EFHB: variants seen among roughly 807,000 people sequenced by gnomAD.
The protein encoded by EFHB is EF-hand domain-containing family member B.
EFHB carries 91 observed loss-of-function variants against 87.2 expected under a neutral mutation model. That is an observed-to-expected ratio of 1.04 (90% CI 0.88 to 1.24). The LOEUF (loss-of-function observed/expected upper bound fraction) is 1.24, where lower values mean the gene tolerates loss of function less well. Ranked by LOEUF, EFHB falls within the 50% of genes most tolerant of loss-of-function variation. EFHB has a pLI of 0.00. For synonymous variants in EFHB, 325 were observed against 333.6 expected (o/e 0.97, Z 0.28); for missense variants, 1,084 against 998.8 (o/e 1.09, Z -1.15).
At chr3:19,919,751 G>C in intron 3 of EFHB, 82 bp downstream of exon 3, 1 of 1,370,072 alleles carries the variant, frequency 7.3e-7, no homozygotes, top group Non-Finnish European at 1.0e-6. Context: ...GATTGGAACT[G>C]ATGAATTTCA....
At chr3:19,935,849 A>C (rs1420039900), upstream of EFHB, among the ~76,000 whole-genome samples, 1 of 151,954 alleles carries the variant, frequency 6.6e-6, no homozygotes, top group Non-Finnish European at 1.5e-5. Flanking sequence ...GTTTCTACTT[A>C]AAATACAAAA....
At chr3:19,936,880 TA>T (rs1696035852), upstream of EFHB, among the ~76,000 whole-genome samples, 2 of 83,396 alleles carry the variant, frequency 2.4e-5, no homozygotes, top group Non-Finnish European at 2.8e-5. Context: ...AAATAATAAA[TA>T]AATAAATAAA....
At chr3:19,911,200 GAT>G (rs1314693102) in intron 5 of EFHB, among the ~76,000 whole-genome samples, 1 of 152,090 alleles carries the variant, frequency 6.6e-6, no homozygotes, top group African/African-American at 2.4e-5. Context: ...ATAAATTTAA[GAT>G]AACACAGAGA....
chr3:19,897,116 T>C (rs141231285), intron 8 of EFHB, among the ~76,000 whole-genome samples: 1 of 152,320 alleles, frequency 6.6e-6, no homozygotes, highest in East Asian at 1.9e-4. Context: ...CACTCAACTG[T>C]CAAGTCTTTT....
intron 5 of EFHB, among the ~76,000 whole-genome samples, chr3:19,914,287 T>C (rs1184015010): frequency 6.6e-6 from 1 of 152,086 alleles, no homozygotes; most frequent in Non-Finnish European, 1.5e-5. Context: ...AGACATGAAA[T>C]TTTTCAAACG....
chr3:19,886,293 A>G (rs1282538969), intron 10 of EFHB, among the ~76,000 whole-genome samples: 1 of 152,210 alleles, frequency 6.6e-6, no homozygotes, highest in Non-Finnish European at 1.5e-5. Context: ...CATCATCAAG[A>G]GAGACCAAAA....
At chr3:19,901,400 A>G (rs1694665770) in intron 6 of EFHB, among the ~76,000 whole-genome samples, 1 of 152,356 alleles carries the variant, frequency 6.6e-6, no homozygotes, top group African/African-American at 2.4e-5. Flanking sequence ...TGCTAAGACT[A>G]AAGACAATGA....
Position 19,941,065 on chromosome 3 carries a change from C to A in EFHB, c.-31-4731G>T, listed in dbSNP as rs1272151079. 3 of 360,076 alleles carry A rather than the reference C, an allele frequency of 8.3e-6. No homozygotes were observed. In the East Asian group the frequency reaches 1.8e-4, roughly 21 times the overall value. 22.3% of individuals were successfully genotyped at this position (360,076 alleles called of 1,614,324 possible). On this transcript the variant is annotated intron_variant, in intron 1 of 14. Transcript: ENST00000344838. ...CAGAATGGCTGCTTGGACAGCTGCA[C>A]CATAAGCAACAGCTTCATTAGGGCT...
At chr3:19,929,941 C>T (rs1695773581) in intron 1 of EFHB, among the ~76,000 whole-genome samples, 2 of 152,088 alleles carry the variant, frequency 1.3e-5, no homozygotes, top group African/African-American at 4.8e-5. Context: ...TTTCAAATCC[C>T]ACCACTTTTT....
chr3:19,919,857 T>G lies in EFHB; in HGVS notation c.972A>C (p.Gly324=). ...CCAGTACTGAAATTTTAGATCTAATTCCATGTGTCAAATAAGGTGCAATCT... is the reference window on the plus strand; with the variant it reads ...CCAGTACTGAAATTTTAGATCTAATGCCATGTGTCAAATAAGGTGCAATCT... The part of the protein sequence containing the change: ...DPQIAPYLTH[G]IRSKISVLAN... Residue 324 remains glycine (G), a synonymous_variant, in exon 3 of 13, where the codon GGA becomes GGC. Coordinates refer to ENST00000295824, the MANE Select transcript of EFHB (RefSeq NM_144715.4). The G allele has an allele frequency of 6.2e-7, 1 of 1,613,332 alleles. No homozygotes were observed. The highest frequency in any genetic ancestry group is 1.1e-5 in the South Asian group (1 of 91,044).
intron 5 of EFHB, among the ~76,000 whole-genome samples, 179 bp downstream of exon 5, chr3:19,915,124 G>GT (rs1559463684): frequency 2.6e-5 from 4 of 152,042 alleles, no homozygotes; most frequent in African/African-American, 9.6e-5. Flanking sequence ...TTTAAAAACC[G>GT]TAAGTATATG....
intron 4 of EFHB, among the ~76,000 whole-genome samples, chr3:19,916,547 T>A (rs13096246): frequency 0.21 from 32,017 of 151,784 alleles, 3,799 homozygotes; most frequent in Middle Eastern, 0.27. Flanking sequence ...TTAATTAATT[T>A]AAAAAATGAA....
chr3:19,942,973 T>A, intron 1 of EFHB: 2 of 246,874 alleles, frequency 8.1e-6, no homozygotes, highest in African/African-American at 2.3e-5. Flanking sequence ...GGACAGAAGT[T>A]TTTTTTATCT....
At chr3:19,910,800 C>A (rs962419595) in intron 5 of EFHB, among the ~76,000 whole-genome samples, 3 of 152,224 alleles carry the variant, frequency 2.0e-5, no homozygotes, top group Admixed American at 6.5e-5. Flanking sequence ...AGAACATGAG[C>A]CTCTGCCTTG....
chr3:19,940,964 C>T (rs1292409565), intron 1 of EFHB: 3 of 315,564 alleles, frequency 9.5e-6, no homozygotes, highest in Non-Finnish European at 1.9e-5. Context: ...ACTACACCAT[C>T]GGTTTCAATA....
At position 19,898,045 on chromosome 3, in the gene EFHB, T is replaced by C. The variant is rs561714024; in HGVS notation, c.1570+733A>G. ...TAATAAACTCCCTGGATGATTTTAA[T>C]GCAGGTAGTCTGCAGCCCATGTTTT... On this transcript the variant is annotated intron_variant, in intron 8 of 12. Transcript: ENST00000295824. 7.2e-5 allele frequency among the ~76,000 whole-genome samples: 11 copies of C among 152,366 alleles called. No individual in the cohort carries two copies. The East Asian group carries it at 2.1e-3, about 29-fold the overall frequency.
intron 1 of EFHB, chr3:19,940,384 C>G: frequency 2.4e-6 from 1 of 415,704 alleles, no homozygotes; most frequent in South Asian, 1.9e-5. Context: ...ATTGCAGACT[C>G]TCTCCAGCTC....
intron 1 of EFHB, among the ~76,000 whole-genome samples, chr3:19,927,719 C>T (rs1322747251): frequency 6.6e-6 from 1 of 152,078 alleles, no homozygotes; most frequent in Non-Finnish European, 1.5e-5. Context: ...TTCATCTAAA[C>T]TCTCCTCACA....
At chr3:19,891,431 C>T (rs868100750) in intron 9 of EFHB, among the ~76,000 whole-genome samples, 1 of 152,080 alleles carries the variant, frequency 6.6e-6, no homozygotes, top group African/African-American at 2.4e-5. Context: ...TCAAGAGGAC[C>T]CTCAATTCAC....
Sources: allele counts gnomAD v4.1 joint callset (sites outside exome capture counted in the v4.1 genomes callset), GRCh38; gene constraint gnomAD v4.1.1; transcripts MANE v1.5; gene names NCBI Gene and HGNC (gene_info 2026-07-23, HGNC 2026-07-21).